Variants in DDX24 observed in about 807,000 individuals in gnomAD.
The protein encoded by DDX24 is DEAD-box helicase 24, also known as ATP-dependent RNA helicase DDX24.
A neutral mutation model predicts 68.9 loss-of-function variants in DDX24; 24 were observed. The ratio of observed to expected loss-of-function variants is 0.35; its 90% CI spans 0.25 to 0.49. The LOEUF (loss-of-function observed/expected upper bound fraction) is 0.49, where lower values mean the gene tolerates loss of function less well. Among genes scored for constraint, DDX24 ranks in the 20% least tolerant of loss-of-function variants. The pLI, the probability that DDX24 is intolerant of heterozygous loss-of-function variation, is 0.99. For synonymous variants in DDX24, 395 were observed against 385.2 expected (o/e 1.03, Z -0.30); for missense variants, 989 against 1,039.0 (o/e 0.95, Z 0.66).
chr14:94,053,582 A>C (rs1486255989), intron 7 of DDX24, among the ~76,000 whole-genome samples: 1 of 152,016 alleles, frequency 6.6e-6, no homozygotes. Context: ...TGGGAGGCCA[A>C]GGCGGGCGGA....
rs566021444 is a variant in DDX24 at position 94,077,978 on chromosome 14, C to G, written c.718+1047G>C. Among the ~76,000 whole-genome samples the G allele has an allele frequency of 4.0e-5, 6 of 151,608 alleles. No individual in the cohort carries two copies. In the East Asian group the frequency reaches 5.8e-4, roughly 15 times the overall value. Reference sequence around the variant, plus strand: ...ATGTGTTTCACATTATACAGTCACCCTTCTGTAACCGTGGGTTCTGCATCT... The same window carrying G: ...ATGTGTTTCACATTATACAGTCACCGTTCTGTAACCGTGGGTTCTGCATCT... On this transcript the variant is annotated intron_variant, in intron 2 of 8. Coordinates refer to ENST00000621632, the MANE Select transcript of DDX24 (RefSeq NM_020414.4).
At chr14:94,062,047 G>A (rs765849965) in intron 3 of DDX24, 50 bp downstream of exon 3, 2 of 1,533,090 alleles carry the variant, frequency 1.3e-6, no homozygotes, top group East Asian at 2.3e-5. Flanking sequence ...TTACCAACGA[G>A]CATTTGGGAT....
chr14:94,065,405 A>ACACACACACACACACACACACACAC (rs1567060057), intron 2 of DDX24, among the ~76,000 whole-genome samples: 3 of 151,894 alleles, frequency 2.0e-5, no homozygotes, highest in East Asian at 1.9e-4. Context: ...ACACACACAC[A>ACACACACACACACACACACACACAC]AATTCAGTGC....
intron 5 of DDX24, among the ~76,000 whole-genome samples, chr14:94,058,356 T>C (rs1222441345): frequency 1.3e-5 from 2 of 152,230 alleles, no homozygotes; most frequent in African/African-American, 4.8e-5. Context: ...GATGTCCATA[T>C]GACTCACTTC....
rs1196511614 is a variant in DDX24 at position 94,079,755 on chromosome 14, G to A, written c.-5-8C>T. ...CCTTCAACTTCATGGTTGCTGAAAA[G>A]GAGATACATGTTCTATTAGGTTGGT... On this transcript the variant is annotated splice_polypyrimidine_tract_variant and splice_region_variant and intron_variant, in intron 1 of 8. Transcript: ENST00000621632. 1 of 1,609,896 alleles carries A rather than the reference G, an allele frequency of 6.2e-7. No homozygotes were observed. Among genetic ancestry groups the A allele is most frequent in the South Asian group, 1.1e-5 (1 of 90,672 alleles).
chr14:94,062,014 C>T, intron 3 of DDX24, 83 bp downstream of exon 3: 1 of 1,419,794 alleles, frequency 7.0e-7, no homozygotes, highest in Admixed American at 2.5e-5. Flanking sequence ...CCCTAGAGGG[C>T]AGGAGCCACA....
At chr14:94,063,988 T>C (rs192267859) in intron 2 of DDX24, among the ~76,000 whole-genome samples, 4 of 152,324 alleles carry the variant, frequency 2.6e-5, no homozygotes, top group Admixed American at 1.3e-4. Context: ...ATAATAAAAA[T>C]GTATTCTAGA....
chr14:94,062,560 C>T lies in DDX24; in HGVS notation c.780G>A (p.Lys260=), dbSNP rs534486488. 211 of 1,614,074 alleles carry T rather than the reference C, an allele frequency of 1.3e-4. 1 individual carries two copies. In the South Asian group the frequency reaches 1.9e-3, roughly 15 times the overall value. The change falls in exon 3 of 9, where the codon AAG becomes AAA. Residue 260 remains lysine (K), a synonymous_variant. Transcript: ENST00000621632. ...PMIHAVLQWQ[K]RNAAPPPSNT... ...TACTTGGAGGAGGGGCAGCATTCCT[C>T]TTCTGCCACTGCAACACCGCATGAA...
chr14:94,060,666 C>A, intron 4 of DDX24, 53 bp from the exon 5 acceptor site: 1 of 1,581,398 alleles, frequency 6.3e-7, no homozygotes, highest in South Asian at 1.2e-5. Context: ...TAAGAGGAAT[C>A]ATCTATAGCA....
chr14:94,053,045 T>C lies in DDX24; in HGVS notation c.2261A>G (p.Gln754Arg). ...CTCAATCTCCAGGGCAGCTGCTGCC[T>C]GCTCAATCCAAGAGTTGTGCAGGCA... ...QACLHNSWIE[Q>R]AAAALEIELE... Residue 754 changes from glutamine (Q) to arginine (R), a missense_variant, in exon 8 of 9, where the codon CAG (glutamine) becomes CGG (arginine). Around this residue, in one of 3 missense-constraint regions of DDX24, gnomAD observed 691 missense variants for 760.0 expected, o/e 0.91. Coordinates refer to ENST00000621632, the MANE Select transcript of DDX24 (RefSeq NM_020414.4). The C allele has an allele frequency of 1.9e-6, 3 of 1,614,210 alleles. No individual in the cohort carries two copies. Among genetic ancestry groups the C allele is most frequent in the Non-Finnish European group, 2.5e-6 (3 of 1,180,022 alleles).
intron 6 of DDX24, chr14:94,057,383 G>C (rs1885510621): frequency 6.3e-6 from 1 of 158,096 alleles, no homozygotes; most frequent in Non-Finnish European, 1.4e-5. Context: ...AGAACCCTAA[G>C]AAGCAGGTAC....
intron 1 of DDX24, among the ~76,000 whole-genome samples, chr14:94,080,714 C>A (rs74818153): frequency 0.017 from 2,571 of 149,546 alleles, 78 homozygotes; most frequent in African/African-American, 0.059. Flanking sequence ...AAAAAACAAA[C>A]AAAAAAAAAC....
intron 2 of DDX24, 85 bp from the exon 3 acceptor site, chr14:94,062,706 T>C: frequency 1.4e-6 from 2 of 1,480,194 alleles, no homozygotes; most frequent in South Asian, 1.4e-5. Context: ...TTCTTTTGCA[T>C]AGAATAAGGT....
At chr14:94,063,404 T>C (rs911025231) in intron 2 of DDX24, among the ~76,000 whole-genome samples, 3 of 152,144 alleles carry the variant, frequency 2.0e-5, no homozygotes, top group African/African-American at 7.2e-5. Context: ...TTTATTTGAA[T>C]GCCTAAAAAT....
intron 2 of DDX24, among the ~76,000 whole-genome samples, chr14:94,072,968 A>G (rs1885863018): frequency 7.2e-6 from 1 of 139,248 alleles, no homozygotes; most frequent in Admixed American, 7.6e-5. Flanking sequence ...AAAAAACAGA[A>G]ATGTGAAAAA....
Position 94,060,432 on chromosome 14 carries a change from T to C in DDX24, c.1579A>G (p.Lys527Glu), listed in dbSNP as rs750354711. 1.5e-5 allele frequency: 24 copies of C among 1,614,098 alleles called. No homozygotes were observed. In the East Asian group the frequency reaches 4.9e-4, roughly 33 times the overall value. The change falls in exon 5 of 9, where the codon AAG becomes GAG. Residue 527 changes from lysine to glutamate, a missense_variant. By Grantham distance (56) the Lys-to-Glu change is moderately conservative. Transcript: ENST00000621632. ...AGTTTGGCTGTTTTATCCATTTTCTTGGTGTGCTTCTTATGAAGGATTCGA... is the reference window on the plus strand; with the variant it reads ...AGTTTGGCTGTTTTATCCATTTTCTCGGTGTGCTTCTTATGAAGGATTCGA... ...PARILHKKHT[K>E]KMDKTAKLDL...
At chr14:94,056,483 C>T (rs1272088815) in intron 6 of DDX24, 1 of 152,238 alleles carries the variant, frequency 6.6e-6, no homozygotes, top group Non-Finnish European at 1.5e-5. Flanking sequence ...TGTGGACATT[C>T]CTGGAGGGTG....
chr14:94,053,825 T>C (rs1425474818), intron 7 of DDX24, among the ~76,000 whole-genome samples: 1 of 151,814 alleles, frequency 6.6e-6, no homozygotes, highest in African/African-American at 2.4e-5. Flanking sequence ...AAAAAAAAAT[T>C]AAAAATTAAA....
intron 2 of DDX24, among the ~76,000 whole-genome samples, chr14:94,075,376 A>G (rs1885915762): frequency 6.6e-6 from 1 of 152,222 alleles, no homozygotes; most frequent in African/African-American, 2.4e-5. Flanking sequence ...GACTTTCAAC[A>G]AAGATGCAAA....
Sources: allele counts gnomAD v4.1 joint callset (sites outside exome capture counted in the v4.1 genomes callset), GRCh38; gene constraint gnomAD v4.1.1; regional missense constraint gnomAD v4.1.1; transcripts MANE v1.5; gene names NCBI Gene and HGNC (gene_info 2026-07-23, HGNC 2026-07-21).